The following PPP2R2B variants were observed in gnomAD, a reference collection of about 807,000 sequenced individuals.
PPP2R2B encodes serine/threonine-protein phosphatase 2A 55 kDa regulatory subunit B beta isoform.
In PPP2R2B, 5 loss-of-function variants were observed where a neutral mutation model predicts 46.0. The ratio of observed to expected loss-of-function variants is 0.11; its 90% CI spans 0.06 to 0.23. The LOEUF (loss-of-function observed/expected upper bound fraction) is 0.23, where lower values mean the gene tolerates loss of function less well. PPP2R2B is among the 10% of genes least tolerant of loss of function. The pLI is 1.00. For missense variants in PPP2R2B, 367 were observed against 575.0 expected (o/e 0.64, Z 3.70); for synonymous variants, 215 against 206.7 (o/e 1.04, Z -0.34).
At chr5:146,598,370 C>T (rs1195951368) in intron 8 of PPP2R2B, among the ~76,000 whole-genome samples, 1 of 152,214 alleles carries the variant, frequency 6.6e-6, no homozygotes, top group Non-Finnish European at 1.5e-5. Flanking sequence ...AATCCTCTTC[C>T]TATTCTCAAC....
intron 2 of PPP2R2B, among the ~76,000 whole-genome samples, chr5:146,724,951 G>T (rs1385018635): frequency 6.6e-6 from 1 of 152,052 alleles, no homozygotes; most frequent in Non-Finnish European, 1.5e-5. Context: ...AGTTAGGAAG[G>T]GAGAACACTG....
intron 1 of PPP2R2B, among the ~76,000 whole-genome samples, chr5:146,922,011 G>C (rs1352956148): frequency 6.6e-6 from 1 of 152,174 alleles, no homozygotes; most frequent in African/African-American, 2.4e-5. Context: ...ATGAGGCTCA[G>C]AGAGGCTGAG....
rs183537133 is a variant in PPP2R2B, at chr5:146,752,715, T to C, written c.71-51573A>G. On this transcript the variant is annotated intron_variant, in intron 2 of 9. Transcript: ENST00000394411. ...CAATCAGTTAATGGATTAAATAGTA[T>C]TGATTATCTGTGGCAGGCACTGTGC... Among the ~76,000 whole-genome samples the C allele has an allele frequency of 1.5e-3, 235 of 152,276 alleles. 1 individual carries two copies. Among genetic ancestry groups the C allele is most frequent in the African/African-American group, 5.4e-3 (223 of 41,560 alleles).
rs186081801 is a variant in PPP2R2B at position 146,653,169 on chromosome 5, G to A, written c.448-2445C>T. On this transcript the variant is annotated intron_variant, in intron 5 of 9. Coordinates refer to ENST00000394411, the MANE Select transcript of PPP2R2B (RefSeq NM_181675.4). Reference sequence around the variant, plus strand: ...ACTGGCCCAGGGTTGCCCAGCTACAGGAAGCATAGCTAGGTTTAATTCGGG... The same window carrying A: ...ACTGGCCCAGGGTTGCCCAGCTACAAGAAGCATAGCTAGGTTTAATTCGGG... Among the ~76,000 whole-genome samples, 3 of 152,274 alleles carry A rather than the reference G, an allele frequency of 2.0e-5. No individual in the cohort carries two copies. In the East Asian group the frequency reaches 5.8e-4, roughly 29 times the overall value.
In PPP2R2B at chr5:146,585,993, G is replaced by C. The variant is rs562850227; in HGVS notation, c.*3954C>G. 1.3e-5 allele frequency: 2 copies of C among 152,128 alleles called. No individual in the cohort carries two copies. Among genetic ancestry groups the C allele is most frequent in the Non-Finnish European group, 2.9e-5 (2 of 68,030 alleles). 9.4% of individuals were successfully genotyped at this position (152,128 alleles called of 1,614,324 possible). A position where few individuals can be genotyped will look rare whatever the true frequency, so the allele number is the denominator to read the frequency against. On this transcript the variant is annotated 3_prime_UTR_variant, in exon 10 of 10. Transcript: ENST00000394411. ...CACTGACCAGGTTGGTTGCTCCCTT[G>C]GAAAGCAGTCCCTGAGAGTTGACTT...
chr5:146,757,559 C>G (rs889627717), intron 2 of PPP2R2B, among the ~76,000 whole-genome samples: 5 of 152,086 alleles, frequency 3.3e-5, no homozygotes, highest in African/African-American at 1.2e-4. Context: ...TTTGGACATG[C>G]AGGGGTGTCT....
intron 1 of PPP2R2B, among the ~76,000 whole-genome samples, chr5:146,943,234 G>T (rs996840153): frequency 6.6e-6 from 1 of 152,106 alleles, no homozygotes; most frequent in Non-Finnish European, 1.5e-5. Context: ...TCTTTATTAA[G>T]TCACTCAAAA....
chr5:146,794,899 A>T (rs1213038250), intron 2 of PPP2R2B, among the ~76,000 whole-genome samples: 1 of 152,156 alleles, frequency 6.6e-6, no homozygotes. Context: ...ATCAAATGGG[A>T]CTGGACTAAT....
intron 4 of PPP2R2B, 75 bp downstream of exon 4, chr5:146,697,904 T>C: frequency 7.1e-7 from 1 of 1,404,590 alleles, no homozygotes; most frequent in Non-Finnish European, 9.7e-7. Context: ...CAAAGGAAAT[T>C]GAGGTTAAGA....
rs189110533 is a variant in PPP2R2B, at chr5:146,878,402, C to T, written c.-125+189G>A. On this transcript the variant is annotated intron_variant, in intron 1 of 9. Coordinates refer to ENST00000394411, the MANE Select transcript of PPP2R2B (RefSeq NM_181675.4). The surrounding 1 kb of genome is among the most constrained non-coding windows in gnomAD (Gnocchi z 4.5). ...CCGTGCCCCGAGGGGTCTGGTCCCG[C>T]CCGCCCGCCCCGGAGGCGCTCACAA... 390 of 1,417,298 alleles carry T rather than the reference C, an allele frequency of 2.8e-4. 3 individuals are homozygous for T. In the East Asian group the frequency reaches 9.2e-3, roughly 33 times the overall value. The allele number at this position is 1,417,298 out of a possible 1,614,324, so 87.8% of individuals were successfully genotyped here.
In PPP2R2B at chr5:146,712,989, C is replaced by T. The variant is rs77128556; in HGVS notation, c.71-11847G>A. ...AATAGATAAGATATCTGTCCTCATGCATCTTACATTCTAGTTGTGGAGAAA... is the reference window on the plus strand; with the variant it reads ...AATAGATAAGATATCTGTCCTCATGTATCTTACATTCTAGTTGTGGAGAAA... On this transcript the variant is annotated intron_variant, in intron 2 of 9. Coordinates refer to ENST00000394411, the MANE Select transcript of PPP2R2B (RefSeq NM_181675.4). Among the ~76,000 whole-genome samples, 154 of 152,314 alleles carry T rather than the reference C, an allele frequency of 1.0e-3. 1 individual carries two copies. The East Asian group carries it at 0.015, about 15-fold the overall frequency.
intron 5 of PPP2R2B, among the ~76,000 whole-genome samples, chr5:146,675,489 G>A (rs1028774742): frequency 2.0e-5 from 3 of 152,242 alleles, no homozygotes; most frequent in East Asian, 3.9e-4. Context: ...TGAATGAAAG[G>A]AAAATGGCAA....
chr5:146,722,823 T>A (rs1751609965), intron 2 of PPP2R2B, among the ~76,000 whole-genome samples: 3 of 152,230 alleles, frequency 2.0e-5, no homozygotes, highest in Admixed American at 1.3e-4. Context: ...GACATGGTTC[T>A]TGTGATAGAA....
chr5:146,989,459 A>C (rs2151860744), intron 1 of PPP2R2B, among the ~76,000 whole-genome samples: 1 of 152,240 alleles, frequency 6.6e-6, no homozygotes, highest in African/African-American at 2.4e-5. Flanking sequence ...AAAATCAATA[A>C]GTATGATGCA....
At chr5:147,007,709 G>A (rs540430382) in intron 1 of PPP2R2B, among the ~76,000 whole-genome samples, 1 of 152,280 alleles carries the variant, frequency 6.6e-6, no homozygotes, top group East Asian at 1.9e-4. Context: ...GCAAGATGAT[G>A]AACCCACCAG....
At chr5:146,831,177 T>TA (rs201055877) in intron 2 of PPP2R2B, among the ~76,000 whole-genome samples, 23 of 151,216 alleles carry the variant, frequency 1.5e-4, no homozygotes, top group African/African-American at 3.4e-4. Flanking sequence ...CTTCTGCTTA[T>TA]AAAAAAAAAG....
rs145026494 is a variant in PPP2R2B, at chr5:146,733,969, T to A, written c.71-32827A>T. Among the ~76,000 whole-genome samples the A allele has an allele frequency of 1.8e-3, 279 of 152,254 alleles. 3 individuals are homozygous for A. Among genetic ancestry groups the A allele is most frequent in the Middle Eastern group, 0.014 (4 of 294 alleles). ...TAATAGTAGTGGTAGTAATAACAGC[T>A]AACATTTATTGAGCATTTCCAGGAA... On this transcript the variant is annotated intron_variant, in intron 2 of 9. Transcript: ENST00000394411.
At chr5:146,643,388 G>T (rs1021411075) in intron 6 of PPP2R2B, among the ~76,000 whole-genome samples, 5 of 152,116 alleles carry the variant, frequency 3.3e-5, no homozygotes, top group African/African-American at 9.7e-5. Context: ...AATAAACAAG[G>T]TAAATGAGTA....
chr5:146,616,809 C>G (rs142670521), intron 7 of PPP2R2B: 3 of 152,116 alleles, frequency 2.0e-5, no homozygotes, highest in Non-Finnish European at 4.4e-5. Context: ...ATAACAGTTT[C>G]GAGATTCCTC....
Sources: allele counts gnomAD v4.1 joint callset (sites outside exome capture counted in the v4.1 genomes callset), GRCh38; gene constraint gnomAD v4.1.1; non-coding constraint Gnocchi (gnomAD v3.1); transcripts MANE v1.5; gene names NCBI Gene and HGNC (gene_info 2026-07-23, HGNC 2026-07-21).